Variants in VAT1L observed in about 807,000 individuals in gnomAD.
VAT1L encodes vesicle amine transport 1 like, also known as putative NADPH-dependent quinone oxidoreductase VAT1L.
In VAT1L, 34 loss-of-function variants were observed where a neutral mutation model predicts 44.1. The ratio of observed to expected loss-of-function variants is 0.77; its 90% CI spans 0.59 to 1.03. VAT1L has a LOEUF of 1.03. VAT1L is among the 50% of genes least tolerant of loss of function. VAT1L has a pLI of 0.00. For synonymous variants in VAT1L, 253 were observed against 202.2 expected, an observed-to-expected ratio of 1.25 and a Z score of -2.13; for missense variants, 615 against 538.8, an observed-to-expected ratio of 1.14 and a Z score of -1.40.
chr16:77,944,154 A>T (rs973064419), intron 7 of VAT1L, among the ~76,000 whole-genome samples: 2 of 152,132 alleles, frequency 1.3e-5, no homozygotes, highest in Non-Finnish European at 2.9e-5. Flanking sequence ...GGATTGTGCT[A>T]AACATCTCAA....
At position 77,825,233 on chromosome 16, in the gene VAT1L, T is replaced by G. The variant is rs2016504761; in HGVS notation, c.364-13T>G. On this transcript the variant is annotated splice_polypyrimidine_tract_variant and intron_variant, in intron 2 of 8. Transcript: ENST00000302536. ...AGGTAGCCTCCACTAACTCTGTGTT[T>G]CCCCATGCCCAGATTGGAGACCGTG... The G allele has an allele frequency of 6.2e-7, 1 of 1,613,714 alleles. No individual in the cohort carries two copies. Among genetic ancestry groups the G allele is most frequent in the African/African-American group, 1.3e-5 (1 of 74,918 alleles).
At chr16:77,951,680 G>C (rs765461287) in intron 7 of VAT1L, among the ~76,000 whole-genome samples, 10 of 152,278 alleles carry the variant, frequency 6.6e-5, no homozygotes, top group Admixed American at 5.9e-4. Flanking sequence ...TACTCTAAAA[G>C]TCAGGACTGA....
intron 7 of VAT1L, among the ~76,000 whole-genome samples, chr16:77,907,635 A>G (rs1459312816): frequency 6.6e-6 from 1 of 152,014 alleles, no homozygotes; most frequent in Non-Finnish European, 1.5e-5. Flanking sequence ...TTTATTGTCC[A>G]TATTTTCCAT....
chr16:77,893,007 T>G, intron 7 of VAT1L: 2 of 629,602 alleles, frequency 3.2e-6, no homozygotes, highest in South Asian at 3.5e-5. Flanking sequence ...CAGTATCCTA[T>G]CATCTTTGTG....
intron 7 of VAT1L, among the ~76,000 whole-genome samples, chr16:77,914,416 T>C (rs887113462): frequency 3.3e-5 from 5 of 152,164 alleles, no homozygotes; most frequent in Non-Finnish European, 5.9e-5. Flanking sequence ...TTTTGGTAAT[T>C]TGAAAATCAG....
chr16:77,884,664 CGCGGGG>C lies in VAT1L; in HGVS notation c.940_945del (p.Ala314_Gly315del). On this transcript the variant is annotated inframe_deletion, in exon 7 of 9. Transcript: ENST00000302536. This position sits in a 1 kb window ranked among gnomAD's most constrained non-coding sequence, Gnocchi z 4.5. ...AGCTGTATGAGGAGAACAAAGTCAT[CGCGGGG>C]TTTTCCCTTTTAAATCTGCTCTTCA... 6.2e-7 allele frequency: 1 copy of C among 1,613,378 alleles called. No homozygotes were observed. Among genetic ancestry groups the C allele is most frequent in the Non-Finnish European group, 8.5e-7 (1 of 1,179,744 alleles).
intron 7 of VAT1L, among the ~76,000 whole-genome samples, chr16:77,890,078 C>A (rs1378795606): frequency 6.6e-6 from 1 of 152,114 alleles, no homozygotes; most frequent in Non-Finnish European, 1.5e-5. Context: ...CAGAGCAAGA[C>A]ACCATTTCAC....
intron 3 of VAT1L, among the ~76,000 whole-genome samples, chr16:77,860,733 C>A (rs376168656): frequency 1.3e-5 from 2 of 152,146 alleles, no homozygotes; most frequent in African/African-American, 4.8e-5. Flanking sequence ...TTTATAAAAT[C>A]TAGAAGGCAG....
At chr16:77,803,782 C>G (rs149573001) in intron 1 of VAT1L, among the ~76,000 whole-genome samples, 188 of 152,244 alleles carry the variant, frequency 1.2e-3, no homozygotes, top group African/African-American at 4.4e-3. Flanking sequence ...GAAAAATGGA[C>G]TATTTCTCCA....
intron 7 of VAT1L, among the ~76,000 whole-genome samples, chr16:77,909,759 A>G (rs1243667513): frequency 6.6e-6 from 1 of 152,128 alleles, no homozygotes; most frequent in Non-Finnish European, 1.5e-5. Flanking sequence ...GCAACGGTTC[A>G]GAGAGGTTTA....
At chr16:77,847,616 C>T (rs1192797457) in intron 3 of VAT1L, among the ~76,000 whole-genome samples, 1 of 152,120 alleles carries the variant, frequency 6.6e-6, no homozygotes, top group East Asian at 1.9e-4. Context: ...AGGCTGTTGC[C>T]TGAGGAAGAT....
chr16:77,972,798 A>G (rs2142546067), intron 8 of VAT1L, among the ~76,000 whole-genome samples: 1 of 150,244 alleles, frequency 6.7e-6, no homozygotes, highest in Admixed American at 6.6e-5. Context: ...TAATAATAAT[A>G]ATATAAAATA....
intron 7 of VAT1L, among the ~76,000 whole-genome samples, chr16:77,929,790 A>G (rs537351473): frequency 5.9e-5 from 9 of 152,300 alleles, no homozygotes; most frequent in Non-Finnish European, 8.8e-5. Flanking sequence ...AAACTGTCCG[A>G]GGAGACCCAG....
chr16:77,949,878 CTT>C lies in VAT1L; in HGVS notation c.1078-21970_1078-21969del, dbSNP rs1302019266. ...ATGACATGGCAATGCTTGTCCTGCC[CTT>C]TGTGAAGCACGTGGCTCTTCCTAGA... On this transcript the variant is annotated intron_variant, in intron 7 of 8. Transcript: ENST00000302536. 3.3e-5 allele frequency among the ~76,000 whole-genome samples: 5 copies of C among 152,158 alleles called. No individual in the cohort carries two copies. The East Asian group carries it at 9.6e-4, about 29-fold the overall frequency.
At chr16:77,809,868 C>T (rs1266535391) in intron 1 of VAT1L, among the ~76,000 whole-genome samples, 1 of 152,190 alleles carries the variant, frequency 6.6e-6, no homozygotes, top group Non-Finnish European at 1.5e-5. Flanking sequence ...TCATGGTCTT[C>T]ACAAACATCC....
At chr16:77,914,259 T>C (rs982956621) in intron 7 of VAT1L, among the ~76,000 whole-genome samples, 8 of 152,238 alleles carry the variant, frequency 5.3e-5, no homozygotes, top group Non-Finnish European at 8.8e-5. Context: ...AATGGAATAA[T>C]CATTTATAAC....
At chr16:77,891,442 A>G (rs1352988604) in intron 7 of VAT1L, among the ~76,000 whole-genome samples, 2 of 152,214 alleles carry the variant, frequency 1.3e-5, no homozygotes, top group African/African-American at 2.4e-5. Context: ...GAACTGTTCC[A>G]TCGTTGCAGA....
In VAT1L at chr16:77,854,111, G is replaced by A. The variant is rs187662658; in HGVS notation, c.580-8637G>A. Among the ~76,000 whole-genome samples the A allele has an allele frequency of 3.8e-3, 572 of 151,780 alleles. 5 individuals are homozygous for A. Among genetic ancestry groups the A allele is most frequent in the African/African-American group, 0.013 (552 of 41,370 alleles). On this transcript the variant is annotated intron_variant, in intron 3 of 8. Transcript: ENST00000302536. ...CCACTGCACTCCAGCCTGGGCAACAGAGTGAGACTCTGTCTCAAACGAAAA... is the reference window on the plus strand; with the variant it reads ...CCACTGCACTCCAGCCTGGGCAACAAAGTGAGACTCTGTCTCAAACGAAAA...
intron 7 of VAT1L, among the ~76,000 whole-genome samples, chr16:77,908,464 C>CAAAAAA (rs11418351): frequency 1.0e-4 from 4 of 39,374 alleles, no homozygotes; most frequent in East Asian, 1.0e-3. Flanking sequence ...GGTTCTGTCT[C>CAAAAAA]AAAAAAAAAA....
Sources: gnomAD v4.1 joint callset for allele counts (sites outside exome capture counted in the v4.1 genomes callset) on GRCh38, gnomAD v4.1.1 for gene constraint, Gnocchi (gnomAD v3.1) non-coding constraint, MANE v1.5 for transcripts, NCBI Gene and HGNC (gene_info 2026-07-23, HGNC 2026-07-21) for gene names.